Variants in STARD13 observed in about 807,000 individuals in gnomAD.
STARD13 encodes the protein stAR-related lipid transfer protein 13.
In STARD13, 62 loss-of-function variants were observed where a neutral mutation model predicts 106.4. That is an observed-to-expected ratio of 0.58 (90% CI 0.48 to 0.72). The LOEUF is 0.72. STARD13 is among the 30% of genes least tolerant of loss of function. STARD13 has a pLI of 0.00. For synonymous variants in STARD13, 565 were observed against 553.0 expected (o/e 1.02, Z -0.31); for missense variants, 1,387 against 1,424.0 (o/e 0.97, Z 0.42).
chr13:33,470,808 T>C, the STARD13 span, among the ~76,000 whole-genome samples: 1 of 152,242 alleles, frequency 6.6e-6, no homozygotes. Flanking sequence ...AATTTCTTTG[T>C]AGATTCTGGA....
the STARD13 span, among the ~76,000 whole-genome samples, chr13:33,594,160 C>G: frequency 6.6e-6 from 1 of 152,278 alleles, no homozygotes; most frequent in East Asian, 1.9e-4. Flanking sequence ...CTGCCTCGGC[C>G]TCCCAAAGTG....
intron 1 of STARD13, among the ~76,000 whole-genome samples, chr13:33,179,967 C>A (rs1885067054): frequency 2.0e-5 from 3 of 152,210 alleles, no homozygotes; most frequent in Admixed American, 2.0e-4. Context: ...CATGCTCCTC[C>A]CTCTGTGCCT....
the STARD13 span, among the ~76,000 whole-genome samples, chr13:33,567,022 T>C: frequency 4.2e-4 from 62 of 148,324 alleles, 10 homozygotes; most frequent in Non-Finnish European, 7.3e-4. Flanking sequence ...CTTCTAATAT[T>C]CCCATAGTGC....
chr13:33,652,907 C>A, the STARD13 span, among the ~76,000 whole-genome samples: 1 of 151,668 alleles, frequency 6.6e-6, no homozygotes, highest in African/African-American at 2.4e-5. Flanking sequence ...TTAAAAATGA[C>A]CATCATATAC....
chr13:33,564,112 AC>A, the STARD13 span, among the ~76,000 whole-genome samples: 1 of 142,186 alleles, frequency 7.0e-6, no homozygotes. Flanking sequence ...AATCACTTGA[AC>A]CCGGGAATTG....
chr13:33,385,467 T>TAAAAAA, the STARD13 span, among the ~76,000 whole-genome samples: 1 of 76,478 alleles, frequency 1.3e-5, no homozygotes, highest in Non-Finnish European at 2.7e-5. Context: ...CCCAGAATGG[T>TAAAAAA]AAAAAAAAAA....
intron 5 of STARD13, among the ~76,000 whole-genome samples, chr13:33,128,117 GAGAT>G (rs1262655199): frequency 6.6e-6 from 1 of 151,822 alleles, no homozygotes; most frequent in Non-Finnish European, 1.5e-5. Flanking sequence ...AGGGAAGACA[GAGAT>G]AGAGCAATAT....
chr13:33,534,024 C>G, the STARD13 span, among the ~76,000 whole-genome samples: 3 of 152,154 alleles, frequency 2.0e-5, no homozygotes, highest in African/African-American at 4.8e-5. Context: ...GTGCTTAGGA[C>G]TTTTCAAAAG....
At chr13:33,651,685 T>A in the STARD13 span, among the ~76,000 whole-genome samples, 1 of 152,234 alleles carries the variant, frequency 6.6e-6, no homozygotes, top group Non-Finnish European at 1.5e-5. Context: ...GTTACTCTCA[T>A]CTGGAGGTGA....
chr13:33,442,730 T>C, the STARD13 span, among the ~76,000 whole-genome samples: 1 of 152,192 alleles, frequency 6.6e-6, no homozygotes, highest in Non-Finnish European at 1.5e-5. Flanking sequence ...TCTACCATTT[T>C]AGTAGTACAT....
At chr13:33,437,457 G>A in the STARD13 span, among the ~76,000 whole-genome samples, 4 of 152,098 alleles carry the variant, frequency 2.6e-5, no homozygotes, top group African/African-American at 4.8e-5. Flanking sequence ...TTTTGCCTGC[G>A]GCTCGTCCTG....
chr13:33,421,523 G>A, the STARD13 span, among the ~76,000 whole-genome samples: 2 of 152,128 alleles, frequency 1.3e-5, no homozygotes, highest in African/African-American at 4.8e-5. Flanking sequence ...GGTACAAAGA[G>A]GAGCTGTTAC....
chr13:33,182,168 T>G lies in STARD13; in HGVS notation c.170-14546A>C, dbSNP rs568736360. Among the ~76,000 whole-genome samples the G allele has an allele frequency of 5.9e-5, 9 of 152,338 alleles. No homozygotes were observed. The South Asian group carries it at 1.7e-3, about 28-fold the overall frequency. On this transcript the variant is annotated intron_variant, in intron 1 of 13. Coordinates refer to ENST00000336934, the MANE Select transcript of STARD13 (RefSeq NM_178006.4). The stretch of plus-strand genomic sequence containing the variant: ...GTTTCATAAAACAATAGTTGCACTT[T>G]ATGTATGCAAGGAGATCTGACATTT...
At chr13:33,289,018 G>A (rs1251669068), upstream of STARD13, among the ~76,000 whole-genome samples, 1 of 152,192 alleles carries the variant, frequency 6.6e-6, no homozygotes, top group Non-Finnish European at 1.5e-5. Context: ...GAATCAAGAA[G>A]TGGCTAGTTC....
the STARD13 span, among the ~76,000 whole-genome samples, chr13:33,554,257 T>C: frequency 3.5e-3 from 535 of 152,330 alleles, 1 homozygote; most frequent in African/African-American, 0.012. Context: ...CAAAATAATC[T>C]GGCCCCAATT....
chr13:33,211,825 GTA>G (rs201123362), intron 1 of STARD13, among the ~76,000 whole-genome samples: 45 of 135,088 alleles, frequency 3.3e-4, no homozygotes, highest in South Asian at 2.1e-3. Flanking sequence ...GTGTGTGTGT[GTA>G]TGTGTGTGTG....
intron 1 of STARD13, among the ~76,000 whole-genome samples, chr13:33,196,179 G>T (rs1037445047): frequency 6.6e-6 from 1 of 152,198 alleles, no homozygotes; most frequent in Admixed American, 6.5e-5. Flanking sequence ...GAGGTCAGGA[G>T]TTCAAGACCA....
At chr13:33,150,170 T>C (rs1367408585) in intron 3 of STARD13, among the ~76,000 whole-genome samples, 1 of 152,226 alleles carries the variant, frequency 6.6e-6, no homozygotes, top group Non-Finnish European at 1.5e-5. Context: ...CTGAGCATGC[T>C]TTGTTCATAT....
chr13:33,510,745 T>C, the STARD13 span, among the ~76,000 whole-genome samples: 1 of 152,202 alleles, frequency 6.6e-6, no homozygotes, highest in Non-Finnish European at 1.5e-5. Context: ...GCCTGCCCAA[T>C]AATGCAGCCA....
Sources: allele counts gnomAD v4.1 joint callset (sites outside exome capture counted in the v4.1 genomes callset), GRCh38; gene constraint gnomAD v4.1.1; transcripts MANE v1.5; gene names NCBI Gene and HGNC (gene_info 2026-07-23, HGNC 2026-07-21).